Variants in CTNNA2 observed in about 807,000 individuals in gnomAD.
CTNNA2 encodes catenin alpha 2.
In CTNNA2, 42 loss-of-function variants were observed where a neutral mutation model predicts 101.0. The ratio of observed to expected loss-of-function variants is 0.42; its 90% CI spans 0.32 to 0.54. The LOEUF is 0.54. CTNNA2 is among the 20% of genes least tolerant of loss of function. The probability of loss-of-function intolerance (pLI) is 0.14; values close to 1 mark genes in which losing one functional copy is unlikely to be tolerated. For missense variants in CTNNA2, 871 were observed against 1,223.1 expected (o/e 0.71, Z 4.29); for synonymous variants, 450 against 456.4 (o/e 0.99, Z 0.18).
intron 3 of CTNNA2, among the ~76,000 whole-genome samples, chr2:79,764,802 A>G (rs1401270281): frequency 1.3e-5 from 2 of 152,224 alleles, no homozygotes; most frequent in African/African-American, 2.4e-5. Flanking sequence ...GACTAAAACT[A>G]GAATGTGGGC....
chr2:79,478,849 C>T (rs1289446933), intron 4 of CTNNA2, among the ~76,000 whole-genome samples: 3 of 152,168 alleles, frequency 2.0e-5, no homozygotes, highest in African/African-American at 7.2e-5. Context: ...AATAGTCATA[C>T]ATCCTTTGCT....
chr2:80,628,553 TCCTTACA>T (rs1330413248), intron 18 of CTNNA2, among the ~76,000 whole-genome samples: 1 of 151,874 alleles, frequency 6.6e-6, no homozygotes, highest in Non-Finnish European at 1.5e-5. Flanking sequence ...TTGGATCCCT[TCCTTACA>T]CCTTACACAA....
intron 9 of CTNNA2, among the ~76,000 whole-genome samples, chr2:80,453,705 A>G (rs895024): frequency 0.41 from 61,882 of 152,044 alleles, 13,903 homozygotes; most frequent in East Asian, 0.75. Context: ...ACAAAGTTGC[A>G]TAGGAGAATG....
At chr2:79,311,237 G>A (rs1676360953) in intron 2 of CTNNA2, among the ~76,000 whole-genome samples, 1 of 151,812 alleles carries the variant, frequency 6.6e-6, no homozygotes, top group African/African-American at 2.4e-5. Context: ...GTGAAGCCCC[G>A]TCTCTACTAA....
chr2:79,977,261 T>C (rs1690933204), intron 7 of CTNNA2, among the ~76,000 whole-genome samples: 2 of 88,246 alleles, frequency 2.3e-5, no homozygotes, highest in African/African-American at 3.6e-5. Flanking sequence ...CACACACTGG[T>C]TCTCACTCTT....
At chr2:79,642,850 A>C (rs1248572488) in intron 1 of CTNNA2, among the ~76,000 whole-genome samples, 9 of 151,894 alleles carry the variant, frequency 5.9e-5, no homozygotes, top group African/African-American at 2.2e-4. Flanking sequence ...CAGCGCCAGA[A>C]AATAGCCCCT....
At chr2:79,312,548 A>G (rs1676405322) in intron 2 of CTNNA2, among the ~76,000 whole-genome samples, 1 of 152,234 alleles carries the variant, frequency 6.6e-6, no homozygotes, top group Non-Finnish European at 1.5e-5. Flanking sequence ...AAATCAAACA[A>G]AACTTGGAGT....
rs1349224063 is a variant in CTNNA2 at position 80,648,301 on chromosome 2, A to C, written c.*429A>C. 8 of 154,956 alleles carry C rather than the reference A, an allele frequency of 5.2e-5. No individual in the cohort carries two copies. Among genetic ancestry groups the C allele is most frequent in the Admixed American group, 5.1e-4 (8 of 15,558 alleles). 9.6% of individuals were successfully genotyped at this position (154,956 alleles called of 1,614,324 possible). A position where few individuals can be genotyped will look rare whatever the true frequency, so the allele number is the denominator to read the frequency against. On this transcript the variant is annotated 3_prime_UTR_variant, in exon 19 of 19. Coordinates refer to ENST00000402739, the MANE Select transcript of CTNNA2 (RefSeq NM_001282597.3). ...ATAAAACTTGTATTGCTTCTGTTTC[A>C]GTGCAAAAATGTACTAGCCAATACG...
intron 7 of CTNNA2, among the ~76,000 whole-genome samples, chr2:79,964,715 C>T (rs1187848437): frequency 6.6e-6 from 1 of 152,164 alleles, no homozygotes; most frequent in East Asian, 1.9e-4. Flanking sequence ...TCCTATGCAA[C>T]TTGATTTGGT....
chr2:79,868,697 T>C (rs1223112977), intron 4 of CTNNA2, among the ~76,000 whole-genome samples: 1 of 152,236 alleles, frequency 6.6e-6, no homozygotes, highest in Non-Finnish European at 1.5e-5. Flanking sequence ...TGCCCAAGTA[T>C]TTTTTGCATT....
At chr2:80,261,874 C>G (rs1168015025) in intron 7 of CTNNA2, among the ~76,000 whole-genome samples, 1 of 152,166 alleles carries the variant, frequency 6.6e-6, no homozygotes, top group East Asian at 1.9e-4. Flanking sequence ...ATTATCCCTT[C>G]TATGTTACCC....
intron 7 of CTNNA2, among the ~76,000 whole-genome samples, chr2:80,384,770 C>A (rs944376512): frequency 6.6e-6 from 1 of 152,000 alleles, no homozygotes; most frequent in African/African-American, 2.4e-5. Flanking sequence ...GTGAATGAAC[C>A]TAGATGCCCT....
chr2:80,097,991 C>A lies in CTNNA2; in HGVS notation c.1056+188194C>A. Among the ~76,000 whole-genome samples, 2 of 152,156 alleles carry A rather than the reference C, an allele frequency of 1.3e-5. 1 individual carries two copies. Among genetic ancestry groups the A allele is most frequent in the Non-Finnish European group, 2.9e-5 (2 of 68,024 alleles). On this transcript the variant is annotated intron_variant, in intron 7 of 18. Coordinates refer to ENST00000402739, the MANE Select transcript of CTNNA2 (RefSeq NM_001282597.3). The stretch of plus-strand genomic sequence containing the variant: ...TCGGAGTAGTTCGATCTTCTGAAAC[C>A]TTCTTCTCTCAACCTGTCAAAGTTA...
At chr2:80,552,355 G>A (rs1197600693) in intron 11 of CTNNA2, among the ~76,000 whole-genome samples, 1 of 152,064 alleles carries the variant, frequency 6.6e-6, no homozygotes, top group African/African-American at 2.4e-5. Context: ...CCACCAATCT[G>A]TGATACACAA....
exon 4 of CTNNA2, chr2:79,373,889 G>A (rs927107116): frequency 6.6e-6 from 1 of 152,098 alleles, no homozygotes; most frequent in Non-Finnish European, 1.5e-5. Context: ...AGAGATTTAA[G>A]TCTCAGAGCC....
chr2:80,484,769 G>A (rs530099916), intron 9 of CTNNA2, among the ~76,000 whole-genome samples: 247 of 152,270 alleles, frequency 1.6e-3, no homozygotes, highest in Non-Finnish European at 3.0e-3. Context: ...CACTTTGGGA[G>A]GCCAAGGCGG....
intron 7 of CTNNA2, among the ~76,000 whole-genome samples, chr2:80,228,475 G>T (rs1456757273): frequency 6.6e-6 from 1 of 152,132 alleles, no homozygotes; most frequent in Admixed American, 6.5e-5. Context: ...ACTGCACCAA[G>T]AATTATGTTT....
At chr2:79,750,234 AC>A (rs1158100045) in intron 3 of CTNNA2, among the ~76,000 whole-genome samples, 2 of 152,166 alleles carry the variant, frequency 1.3e-5, no homozygotes, top group Non-Finnish European at 2.9e-5. Flanking sequence ...TAGACTGAAA[AC>A]TTTTTTTTGA....
intron 1 of CTNNA2, among the ~76,000 whole-genome samples, chr2:79,540,711 A>G (rs1558712556): frequency 6.6e-6 from 1 of 152,342 alleles, no homozygotes; most frequent in East Asian, 1.9e-4. Flanking sequence ...ATGTGATTCA[A>G]TTTTGTTAAA....
Sources: gnomAD v4.1 joint callset for allele counts (sites outside exome capture counted in the v4.1 genomes callset) on GRCh38, gnomAD v4.1.1 for gene constraint, MANE v1.5 for transcripts, NCBI Gene and HGNC (gene_info 2026-07-23, HGNC 2026-07-21) for gene names.